MED1: variants seen among roughly 807,000 people sequenced by gnomAD.
The protein encoded by MED1 is mediator of RNA polymerase II transcription subunit 1.
Under a neutral mutation model 121.3 loss-of-function variants are expected in MED1, and 17 were observed. That is an observed-to-expected ratio of 0.14 (90% CI 0.10 to 0.21). The LOEUF is 0.21. Among genes scored for constraint, MED1 ranks in the 10% least tolerant of loss-of-function variants. MED1 has a pLI of 1.00. For missense variants in MED1, 1,558 were observed against 1,919.4 expected (o/e 0.81, Z 3.52); for synonymous variants, 661 against 694.4 (o/e 0.95, Z 0.76).
intron 9 of MED1, among the ~76,000 whole-genome samples, chr17:39,429,291 G>A (rs2048542967): frequency 6.6e-6 from 1 of 152,194 alleles, no homozygotes; most frequent in African/African-American, 2.4e-5. Context: ...GTTAAGGGCT[G>A]AAGTGAGCTA....
At chr17:39,447,001 T>C (rs2048734326) in intron 2 of MED1, among the ~76,000 whole-genome samples, 1 of 152,066 alleles carries the variant, frequency 6.6e-6, no homozygotes, top group Admixed American at 6.6e-5. Flanking sequence ...AAATCAAAAA[T>C]CTGAAATGCT....
chr17:39,438,171 C>T (rs1327249786), intron 6 of MED1, among the ~76,000 whole-genome samples: 1 of 148,772 alleles, frequency 6.7e-6, no homozygotes, highest in African/African-American at 2.5e-5. Context: ...AACCTCGTCT[C>T]TATTTTTTTT....
Position 39,405,092 on chromosome 17 carries a change from C to T in MED1, c.*2383G>A, listed in dbSNP as rs2048292635. 1 of 1,037,896 alleles carries T rather than the reference C, an allele frequency of 9.6e-7. No homozygotes were observed. Among genetic ancestry groups the T allele is most frequent in the Non-Finnish European group, 1.3e-6 (1 of 744,238 alleles). The allele number at this position is 1,037,896 out of a possible 1,614,324, so 64.3% of individuals were successfully genotyped here. On this transcript the variant is annotated 3_prime_UTR_variant, in exon 17 of 17. Coordinates refer to ENST00000300651, the MANE Select transcript of MED1 (RefSeq NM_004774.4). ...CTTTTGAAACAGAAGAATGAGTACA[C>T]CTAGACAGGAGGGAGGTGTCCCAGG...
chr17:39,404,292 T>G lies in MED1; in HGVS notation c.*3183A>C, dbSNP rs1225113698. ...TTATTACACACAGGCAAATTACTTTTTATCAAAGAAGTTTATTTGCATGTA... is the reference window on the plus strand; with the variant it reads ...TTATTACACACAGGCAAATTACTTTGTATCAAAGAAGTTTATTTGCATGTA... On this transcript the variant is annotated 3_prime_UTR_variant, in exon 17 of 17. Transcript: ENST00000300651. The G allele has an allele frequency of 6.6e-6, 1 of 152,340 alleles. No homozygotes were observed. Among genetic ancestry groups the G allele is most frequent in the Non-Finnish European group, 1.5e-5 (1 of 68,042 alleles). 9.4% of individuals were successfully genotyped at this position (152,340 alleles called of 1,614,324 possible). A position where few individuals can be genotyped will look rare whatever the true frequency, so the allele number is the denominator to read the frequency against.
chr17:39,434,170 G>T, intron 7 of MED1, 79 bp downstream of exon 7: 2 of 931,246 alleles, frequency 2.1e-6, no homozygotes, highest in Non-Finnish European at 3.3e-6. Context: ...AGAAGAGGTG[G>T]CAAATTTCTA....
At chr17:39,423,515 T>C in intron 12 of MED1, 70 bp from the exon 13 acceptor site, 1 of 1,438,022 alleles carries the variant, frequency 7.0e-7, no homozygotes, top group Non-Finnish European at 9.8e-7. Context: ...TTCCCCTTGA[T>C]ATCTACATTC....
chr17:39,409,974 T>G lies in MED1; in HGVS notation c.2247A>C (p.Pro749=). 6.2e-7 allele frequency: 1 copy of G among 1,614,032 alleles called. No homozygotes were observed. Among genetic ancestry groups the G allele is most frequent in the Non-Finnish European group, 8.5e-7 (1 of 1,179,990 alleles). Residue 749 remains proline (P), a synonymous_variant, in exon 17 of 17, where the codon CCA becomes CCC. Transcript: ENST00000300651. ...TPAPSQCSTP[P]TTYPQPVPHP... The stretch of plus-strand genomic sequence containing the variant: ...GAGGTACTGGTTGTGGGTAAGTTGT[T>G]GGGGGAGTGCTACACTGGCTTGGAG...
chr17:39,432,600 A>AG (rs2048575612), intron 7 of MED1, among the ~76,000 whole-genome samples: 1 of 151,058 alleles, frequency 6.6e-6, no homozygotes, highest in Non-Finnish European at 1.5e-5. Flanking sequence ...TACAAAAAAA[A>AG]AAAATTAGCC....
Position 39,422,863 on chromosome 17 carries a change from C to CTTT in MED1, c.1095+461_1095+463dup, listed in dbSNP as rs372712559. ...TTACTTCAATACATTTCCGAGATTT[C>CTTT]TTTTTTTTTTTTTTTTTTTTGAGAC... On this transcript the variant is annotated intron_variant, in intron 13 of 16. Coordinates refer to ENST00000300651, the MANE Select transcript of MED1 (RefSeq NM_004774.4). Among the ~76,000 whole-genome samples the CTTT allele has an allele frequency of 6.1e-3, 601 of 98,964 alleles. 26 individuals carry two copies. Among genetic ancestry groups the CTTT allele is most frequent in the Non-Finnish European group, 8.7e-3 (452 of 51,850 alleles). 64.9% of individuals were successfully genotyped at this position (98,964 alleles called of 152,430 possible).
rs951226606 is a variant in MED1 at position 39,406,914 on chromosome 17, C to T, written c.*561G>A. 1.1e-5 allele frequency: 11 copies of T among 985,702 alleles called. No homozygotes were observed. In the African/African-American group the frequency reaches 1.9e-4, roughly 17 times the overall value. 61.1% of individuals were successfully genotyped at this position (985,702 alleles called of 1,614,324 possible). On this transcript the variant is annotated 3_prime_UTR_variant, in exon 17 of 17. Coordinates refer to ENST00000300651, the MANE Select transcript of MED1 (RefSeq NM_004774.4). ...TAAATAGCTAAAATAATCTTCCCTCCCCCAGTCACTCCTAAGAAACAGACA... is the reference window on the plus strand; with the variant it reads ...TAAATAGCTAAAATAATCTTCCCTCTCCCAGTCACTCCTAAGAAACAGACA...
Position 39,409,005 on chromosome 17 carries a change from C to T in MED1, c.3216G>A (p.Val1072=). ...TGTGAGAGGAAGGCTTGCCCACCAT[C>T]ACTGTTCCCTTAGGAATCTGAATAG... ...KITIQIPKGT[V]MVGKPSSHSQ... Residue 1072 remains valine (V), a synonymous_variant, in exon 17 of 17, where the codon GTG becomes GTA. Transcript: ENST00000300651. 6.2e-7 allele frequency: 1 copy of T among 1,614,186 alleles called. No individual in the cohort carries two copies. Among genetic ancestry groups the T allele is most frequent in the Non-Finnish European group, 8.5e-7 (1 of 1,180,042 alleles).
At chr17:39,417,784 A>T (rs1207925473) in intron 14 of MED1, among the ~76,000 whole-genome samples, 1 of 152,172 alleles carries the variant, frequency 6.6e-6, no homozygotes, top group Admixed American at 6.6e-5. Flanking sequence ...AGAACAGCCA[A>T]AATTTACAGC....
rs2048299682 is a variant in MED1 at position 39,405,941 on chromosome 17, T to A, written c.*1534A>T. 1 of 985,242 alleles carries A rather than the reference T, an allele frequency of 1.0e-6. No individual in the cohort carries two copies. The highest frequency in any genetic ancestry group is 1.7e-5 in the African/African-American group (1 of 57,170). 61.0% of individuals were successfully genotyped at this position (985,242 alleles called of 1,614,324 possible). The stretch of plus-strand genomic sequence containing the variant: ...TTTTTTTAACCCAGAAGAGTTGTGC[T>A]GGGGACCATGCCCCATCCCGCTGAT... On this transcript the variant is annotated 3_prime_UTR_variant, in exon 17 of 17. Transcript: ENST00000300651.
At chr17:39,414,948 G>A (rs909381733) in intron 16 of MED1, 78 bp downstream of exon 16, 9 of 1,306,504 alleles carry the variant, frequency 6.9e-6, no homozygotes, top group Admixed American at 5.1e-5. Context: ...GATTACAGGC[G>A]TGAGCCACCG....
At chr17:39,423,904 C>T (rs1286518890) in intron 11 of MED1, 83 bp from the exon 12 acceptor site, 1 of 1,431,522 alleles carries the variant, frequency 7.0e-7, no homozygotes, top group East Asian at 2.5e-5. Context: ...TTTTTTGAGA[C>T]AGATTTTCCC....
chr17:39,428,015 G>A (rs1236325900), intron 9 of MED1, among the ~76,000 whole-genome samples: 1 of 152,082 alleles, frequency 6.6e-6, no homozygotes, highest in African/African-American at 2.4e-5. Context: ...CCAGGAGTTT[G>A]AGACTAGCAT....
intron 1 of MED1, among the ~76,000 whole-genome samples, chr17:39,449,839 A>G (rs145390639): frequency 0.059 from 6,150 of 104,160 alleles, 531 homozygotes; most frequent in African/African-American, 0.2. Flanking sequence ...TTTGAGACGA[A>G]GTTTCGCTCT....
In MED1 at chr17:39,437,114, T is replaced by C. The variant is rs767924049; in HGVS notation, c.428+2051A>G. 1.2e-4 allele frequency among the ~76,000 whole-genome samples: 18 copies of C among 152,152 alleles called. No individual in the cohort carries two copies. The South Asian group carries it at 1.2e-3, about 10-fold the overall frequency. ...CGCACGGCTAATTTTGTATTTTTAG[T>C]AGAGACGGGGTTTCTCCGTGTTGGT... On this transcript the variant is annotated intron_variant, in intron 6 of 16. Transcript: ENST00000300651.
intron 6 of MED1, among the ~76,000 whole-genome samples, chr17:39,435,473 T>C (rs2048609645): frequency 6.6e-6 from 1 of 151,976 alleles, no homozygotes; most frequent in South Asian, 2.1e-4. Flanking sequence ...ACTCTTGATA[T>C]CTTTTTTCAA....
Sources: gnomAD v4.1 joint callset for allele counts (sites outside exome capture counted in the v4.1 genomes callset) on GRCh38, gnomAD v4.1.1 for gene constraint, MANE v1.5 for transcripts, NCBI Gene and HGNC (gene_info 2026-07-23, HGNC 2026-07-21) for gene names.